XIRP2: variants seen among roughly 807,000 people sequenced by gnomAD.
XIRP2 encodes the protein xin actin binding repeat containing 2.
Under a neutral mutation model 277.0 loss-of-function variants are expected in XIRP2, and 236 were observed. The ratio of observed to expected loss-of-function variants is 0.85; its 90% CI spans 0.77 to 0.95. The LOEUF is 0.95. XIRP2 is among the 40% of genes least tolerant of loss of function. The pLI, the probability that XIRP2 is intolerant of heterozygous loss-of-function variation, is 0.00. For synonymous variants in XIRP2, 1,490 were observed against 1,416.5 expected (o/e 1.05, Z -1.17); for missense variants, 4,640 against 4,157.5 (o/e 1.12, Z -3.19).
chr2:166,914,143 G>A (rs2105349973), intron 2 of XIRP2, among the ~76,000 whole-genome samples: 1 of 152,270 alleles, frequency 6.6e-6, no homozygotes, highest in Non-Finnish European at 1.5e-5. Flanking sequence ...AGAGTCGGAG[G>A]AGTTATGATG....
chr2:167,057,623 A>G (rs902060662), intron 2 of XIRP2, among the ~76,000 whole-genome samples: 8 of 152,218 alleles, frequency 5.3e-5, no homozygotes, highest in South Asian at 2.1e-4. Context: ...AACAGTTTCA[A>G]TCATCTACAA....
At chr2:167,023,670 T>A (rs1034516165) in intron 2 of XIRP2, among the ~76,000 whole-genome samples, 8 of 152,100 alleles carry the variant, frequency 5.3e-5, no homozygotes, top group Admixed American at 3.9e-4. Flanking sequence ...AGCTTTCTAC[T>A]TATGGCCAGC....
chr2:167,189,824 A>G (rs1450604628), intron 3 of XIRP2, among the ~76,000 whole-genome samples: 1 of 152,170 alleles, frequency 6.6e-6, no homozygotes, highest in Non-Finnish European at 1.5e-5. Flanking sequence ...CACTAGGTCC[A>G]GGACTCGGCA....
chr2:167,196,537 C>T (rs1693522146), intron 3 of XIRP2, among the ~76,000 whole-genome samples: 1 of 151,856 alleles, frequency 6.6e-6, no homozygotes, highest in Non-Finnish European at 1.5e-5. Context: ...AAGAACGACA[C>T]AGAGAGAGCT....
Position 167,243,107 on chromosome 2 carries a change from G to A in XIRP2, c.1715G>A (p.Gly572Glu), listed in dbSNP as rs867950664. The A allele has an allele frequency of 3.1e-6, 5 of 1,613,984 alleles. No individual in the cohort carries two copies. The highest frequency in any genetic ancestry group is 3.3e-5 in the Admixed American group (2 of 59,992). ...EYLEWDEILK[G>E]EVQSIRWIFE... Reference sequence around the variant, plus strand: ...TTGGAATGGGATGAAATTCTGAAGGGAGAGGTGCAGTCCATTAGATGGATC... The same window carrying A: ...TTGGAATGGGATGAAATTCTGAAGGAAGAGGTGCAGTCCATTAGATGGATC... The change falls in exon 9 of 11, where the codon GGA becomes GAA. Residue 572 changes from glycine (G) to glutamate (E), a missense_variant. Gly to Glu is a moderately conservative substitution (Grantham distance 98). Coordinates refer to ENST00000409195, the MANE Select transcript of XIRP2 (RefSeq NM_152381.6).
intron 2 of XIRP2, among the ~76,000 whole-genome samples, chr2:167,091,861 G>A (rs547154845): frequency 1.3e-5 from 2 of 152,128 alleles, no homozygotes; most frequent in South Asian, 2.1e-4. Context: ...TCCTTTTCAG[G>A]GCTGGTCAAT....
intron 2 of XIRP2, among the ~76,000 whole-genome samples, chr2:166,915,322 A>T (rs13013849): frequency 6.7e-6 from 1 of 149,114 alleles, no homozygotes; most frequent in Non-Finnish European, 1.5e-5. Context: ...AAAAAAAAAA[A>T]GAAAAAGAAA....
intron 2 of XIRP2, among the ~76,000 whole-genome samples, chr2:167,000,892 G>A (rs991820613): frequency 1.3e-5 from 2 of 151,944 alleles, no homozygotes; most frequent in African/African-American, 4.8e-5. Context: ...ATGGATATAA[G>A]AAAGTCTGAC....
chr2:167,016,119 C>T (rs1687821741), intron 2 of XIRP2, among the ~76,000 whole-genome samples: 1 of 151,708 alleles, frequency 6.6e-6, no homozygotes, highest in Non-Finnish European at 1.5e-5. Flanking sequence ...TCAGATTTAT[C>T]CTTGTCGATT....
At position 167,245,198 on chromosome 2, in the gene XIRP2, G is replaced by C. The variant is rs772586828; in HGVS notation, c.3806G>C (p.Gly1269Ala). The C allele has an allele frequency of 9.3e-6, 15 of 1,613,614 alleles. No individual in the cohort carries two copies. The highest frequency in any genetic ancestry group is 1.2e-5 in the Non-Finnish European group (14 of 1,179,758). ...GTTAAGACGGTGACAGACATACAAG[G>C]TGGGGATGTAAGAAAGGGGTGCTTT... ...ECVKTVTDIQ[G>A]GDVRKGCFIF... Residue 1269 changes from glycine (G) to alanine (A), a missense_variant, in exon 9 of 11, where the codon GGT (glycine) becomes GCT (alanine). Transcript: ENST00000409195.
Position 167,250,110 on chromosome 2 carries a change from G to T in XIRP2, c.8718G>T (p.Glu2906Asp). The change falls in exon 9 of 11, where the codon GAG becomes GAT. Residue 2906 changes from glutamate (E) to aspartate (D), a missense_variant. Transcript: ENST00000409195. ...GTCTCGAAGTCAAGGGCATACAAGA[G>T]AAACAAGTCTTCTCTAATACTAAAG... Reference protein sequence around the residue: ...EKCLEVKGIQEKQVFSNTKDS... With the variant: ...EKCLEVKGIQDKQVFSNTKDS... 3 of 1,613,276 alleles carry T rather than the reference G, an allele frequency of 1.9e-6. No homozygotes were observed. The South Asian group carries it at 3.3e-5, about 18-fold the overall frequency.
At chr2:167,010,508 C>T (rs1383093022) in intron 2 of XIRP2, among the ~76,000 whole-genome samples, 1 of 152,046 alleles carries the variant, frequency 6.6e-6, no homozygotes, top group Non-Finnish European at 1.5e-5. Flanking sequence ...TAGCGTGATG[C>T]CTCCAGCTTT....
At chr2:166,903,198 T>C (rs12478429) in intron 1 of XIRP2, among the ~76,000 whole-genome samples, 36,751 of 152,056 alleles carry the variant, frequency 0.24, 4,667 homozygotes, top group Admixed American at 0.29. Flanking sequence ...GGAAGAAAAT[T>C]GTGTGTTCTT....
At chr2:166,973,684 C>A (rs571681693) in intron 2 of XIRP2, among the ~76,000 whole-genome samples, 1 of 152,298 alleles carries the variant, frequency 6.6e-6, no homozygotes, top group South Asian at 2.1e-4. Context: ...CCCACCTTAA[C>A]CTACTGAATT....
chr2:167,060,102 A>C (rs972486486), intron 2 of XIRP2, among the ~76,000 whole-genome samples: 2 of 152,172 alleles, frequency 1.3e-5, no homozygotes, highest in African/African-American at 4.8e-5. Context: ...ATTCTGCCCA[A>C]ATTCCAGAAC....
intron 2 of XIRP2, among the ~76,000 whole-genome samples, chr2:167,074,604 C>CTGTGTG (rs199933269): frequency 1.4e-5 from 2 of 147,672 alleles, no homozygotes; most frequent in African/African-American, 5.1e-5. Flanking sequence ...TGGTTTCTTT[C>CTGTGTG]TGTGTGTGTG....
chr2:167,186,084 A>C (rs1019781304), intron 3 of XIRP2, among the ~76,000 whole-genome samples: 6 of 152,298 alleles, frequency 3.9e-5, no homozygotes, highest in East Asian at 1.9e-4. Flanking sequence ...ATTTACTTGA[A>C]ATGTAGCCAA....
At chr2:166,967,021 A>G (rs1043943506) in intron 2 of XIRP2, among the ~76,000 whole-genome samples, 1 of 151,912 alleles carries the variant, frequency 6.6e-6, no homozygotes, top group Non-Finnish European at 1.5e-5. Flanking sequence ...CACTGCATCT[A>G]GTCTGTGTAT....
intron 2 of XIRP2, among the ~76,000 whole-genome samples, chr2:167,017,432 C>A (rs1229344421): frequency 6.6e-6 from 1 of 151,976 alleles, no homozygotes; most frequent in Admixed American, 6.6e-5. Flanking sequence ...GCCCTTTCTC[C>A]TCACACTCAT....
Sources: gnomAD v4.1 joint callset for allele counts (sites outside exome capture counted in the v4.1 genomes callset) on GRCh38, gnomAD v4.1.1 for gene constraint, MANE v1.5 for transcripts, NCBI Gene and HGNC (gene_info 2026-07-23, HGNC 2026-07-21) for gene names.